HNRNPLL: variants seen among roughly 807,000 people sequenced by gnomAD.
HNRNPLL encodes the protein heterogeneous nuclear ribonucleoprotein L like.
HNRNPLL carries 25 observed loss-of-function variants against 67.1 expected under a neutral mutation model. The observed-to-expected ratio is 0.37, with a 90% CI of 0.27 to 0.52. The LOEUF is 0.52. Among genes scored for constraint, HNRNPLL ranks in the 20% least tolerant of loss-of-function variants. HNRNPLL has a pLI of 0.90. For missense variants in HNRNPLL, 542 were observed against 673.9 expected, an observed-to-expected ratio of 0.80 and a Z score of 2.17; for synonymous variants, 267 against 241.7, an observed-to-expected ratio of 1.10 and a Z score of -0.97.
At chr2:38,592,870 C>T (rs1667019037) in intron 1 of HNRNPLL, among the ~76,000 whole-genome samples, 1 of 152,074 alleles carries the variant, frequency 6.6e-6, no homozygotes. Context: ...CGCTATTTTA[C>T]CATTAAAATT....
chr2:38,581,783 T>C (rs1192873404), intron 6 of HNRNPLL, 130 bp downstream of exon 6: 9 of 681,678 alleles, frequency 1.3e-5, no homozygotes, highest in Non-Finnish European at 2.3e-5. Context: ...ACATGGCCTT[T>C]TGCAACAAAA....
chr2:38,602,346 G>A (rs7594264), intron 1 of HNRNPLL, 92 bp downstream of exon 1: 3 of 1,265,578 alleles, frequency 2.4e-6, no homozygotes, highest in South Asian at 1.3e-5. Flanking sequence ...CAGCGGAAAA[G>A]GCTAACTGAA....
At chr2:38,585,925 C>G (rs1415916940) in intron 2 of HNRNPLL, 44 bp from the exon 3 acceptor site, 5 of 1,132,300 alleles carry the variant, frequency 4.4e-6, no homozygotes, top group Non-Finnish European at 6.7e-6. Flanking sequence ...ACAGCAAGTT[C>G]CGTTAACATT....
At chr2:38,598,079 TTC>T (rs1054499550) in intron 1 of HNRNPLL, among the ~76,000 whole-genome samples, 1 of 151,672 alleles carries the variant, frequency 6.6e-6, no homozygotes, top group Non-Finnish European at 1.5e-5. Flanking sequence ...TCCTTACCCG[TTC>T]TGTTTAAAAA....
intron 9 of HNRNPLL, 143 bp from the exon 10 acceptor site, chr2:38,569,477 T>G (rs1159917359): frequency 3.3e-6 from 2 of 615,228 alleles, no homozygotes; most frequent in Non-Finnish European, 5.7e-6. Flanking sequence ...GAGGATTTAG[T>G]TTGGGTTATA....
chr2:38,568,963 A>T (rs1394511746), intron 10 of HNRNPLL, among the ~76,000 whole-genome samples, 170 bp downstream of exon 10: 1 of 152,218 alleles, frequency 6.6e-6, no homozygotes, highest in East Asian at 1.9e-4. Context: ...TGAGGAATGG[A>T]GGCCAGAAAA....
intron 7 of HNRNPLL, among the ~76,000 whole-genome samples, chr2:38,577,015 G>T (rs1666324130): frequency 6.6e-6 from 1 of 151,840 alleles, no homozygotes; most frequent in Admixed American, 6.6e-5. Flanking sequence ...CAAAATACTA[G>T]CTACAGAACT....
intron 1 of HNRNPLL, among the ~76,000 whole-genome samples, chr2:38,593,867 A>AC (rs1667066047): frequency 6.7e-6 from 1 of 149,806 alleles, no homozygotes; most frequent in Non-Finnish European, 1.5e-5. Context: ...CGTCTCAAAA[A>AC]AAAAACAAAA....
intron 4 of HNRNPLL, among the ~76,000 whole-genome samples, chr2:38,582,844 C>A (rs1666587456): frequency 6.6e-6 from 1 of 151,218 alleles, no homozygotes; most frequent in African/African-American, 2.4e-5. Context: ...CACTTGACCA[C>A]CCTGGGCAAC....
At chr2:38,585,088 C>G (rs1666674415) in intron 3 of HNRNPLL, among the ~76,000 whole-genome samples, 1 of 152,098 alleles carries the variant, frequency 6.6e-6, no homozygotes, top group African/African-American at 2.4e-5. Context: ...AATTAAGTGT[C>G]TGTGTTACTA....
intron 1 of HNRNPLL, 115 bp from the exon 2 acceptor site, chr2:38,591,763 G>C (rs1341670385): frequency 3.4e-6 from 2 of 583,252 alleles, no homozygotes; most frequent in African/African-American, 3.8e-5. Flanking sequence ...GTCATTTGAG[G>C]TCAGGAGTTC....
chr2:38,564,380 T>C (rs544740784), intron 12 of HNRNPLL, 143 bp from the exon 13 acceptor site: 63 of 553,626 alleles, frequency 1.1e-4, no homozygotes, highest in South Asian at 2.0e-4. Flanking sequence ...AGAAGTAAAA[T>C]TGGCCAGATG....
At chr2:38,585,934 T>C (rs575183905) in intron 2 of HNRNPLL, 53 bp from the exon 3 acceptor site, 26 of 1,054,766 alleles carry the variant, frequency 2.5e-5, no homozygotes, top group Non-Finnish European at 3.7e-5. Context: ...TCCGTTAACA[T>C]TATTTGTCCT....
At chr2:38,576,996 A>C (rs887763068) in intron 7 of HNRNPLL, among the ~76,000 whole-genome samples, 7 of 151,922 alleles carry the variant, frequency 4.6e-5, no homozygotes, top group African/African-American at 1.7e-4. Flanking sequence ...GAACAAATTT[A>C]ACTGAAACCA....
chr2:38,588,056 C>CT (rs1666804321), intron 2 of HNRNPLL, among the ~76,000 whole-genome samples: 1 of 152,172 alleles, frequency 6.6e-6, no homozygotes, highest in East Asian at 1.9e-4. Flanking sequence ...TCTAAGTTTT[C>CT]TGAGGCCACC....
Position 38,593,905 on chromosome 2 carries a change from T to G in HNRNPLL, c.190-2257A>C, listed in dbSNP as rs551348881. On this transcript the variant is annotated intron_variant, in intron 1 of 12. Coordinates refer to ENST00000449105, the MANE Select transcript of HNRNPLL (RefSeq NM_138394.4). ...AAACCTAAATGCTGGCCGGGCACAGTGGCTTACGCCTGCAATCCCACCACT... is the reference window on the plus strand; with the variant it reads ...AAACCTAAATGCTGGCCGGGCACAGGGGCTTACGCCTGCAATCCCACCACT... Among the ~76,000 whole-genome samples the G allele has an allele frequency of 7.1e-4, 103 of 145,740 alleles. 1 individual carries two copies. Among genetic ancestry groups the G allele is most frequent in the Admixed American group, 2.8e-3 (40 of 14,402 alleles).
intron 7 of HNRNPLL, among the ~76,000 whole-genome samples, chr2:38,575,962 T>C (rs1558533996): frequency 6.6e-6 from 1 of 151,766 alleles, no homozygotes; most frequent in South Asian, 2.1e-4. Flanking sequence ...AGATTAAATA[T>C]CTTAATGGAC....
At chr2:38,572,905 T>C (rs563393061) in intron 8 of HNRNPLL, among the ~76,000 whole-genome samples, 1 of 152,164 alleles carries the variant, frequency 6.6e-6, no homozygotes, top group East Asian at 1.9e-4. Context: ...TAGAATCACT[T>C]TGAAATGAGA....
At chr2:38,585,074 C>T (rs191810551) in intron 3 of HNRNPLL, among the ~76,000 whole-genome samples, 1 of 152,212 alleles carries the variant, frequency 6.6e-6, no homozygotes, top group East Asian at 1.9e-4. Flanking sequence ...CTATTCATTA[C>T]AAAAATTAAG....
Sources: allele counts gnomAD v4.1 joint callset (sites outside exome capture counted in the v4.1 genomes callset), GRCh38; gene constraint gnomAD v4.1.1; transcripts MANE v1.5; gene names NCBI Gene and HGNC (gene_info 2026-07-23, HGNC 2026-07-21).